Variants in LRRTM4 observed in about 807,000 individuals in gnomAD.
LRRTM4 encodes the protein leucine-rich repeat transmembrane neuronal protein 4.
Under a neutral mutation model 47.6 loss-of-function variants are expected in LRRTM4, and 25 were observed. The observed-to-expected ratio is 0.53, with a 90% CI of 0.38 to 0.73. LRRTM4 has a LOEUF of 0.73. Among genes scored for constraint, LRRTM4 ranks in the 30% least tolerant of loss-of-function variants. The pLI, the probability that LRRTM4 is intolerant of heterozygous loss-of-function variation, is 0.00. For missense variants in LRRTM4, 638 were observed against 713.4 expected (o/e 0.89, Z 1.20); for synonymous variants, 311 against 269.5 (o/e 1.15, Z -1.51).
chr2:77,105,163 T>C (rs1469793967), intron 3 of LRRTM4, among the ~76,000 whole-genome samples: 1 of 152,126 alleles, frequency 6.6e-6, no homozygotes, highest in Non-Finnish European at 1.5e-5. Context: ...ATTTGGATGC[T>C]GAGTATAACA....
At position 76,906,663 on chromosome 2, in the gene LRRTM4, C is replaced by A. The variant is rs368395681; in HGVS notation, c.1552-157747G>T. On this transcript the variant is annotated intron_variant, in intron 3 of 3. Transcript: ENST00000409884. ...AAGGATGGAGGAAGATCTACCAAGC[C>A]AATGGAAAACAAAAAAAGGCAGGGG... Among the ~76,000 whole-genome samples the A allele has an allele frequency of 1.2e-3, 180 of 151,670 alleles. 2 individuals are homozygous for A. The East Asian group carries it at 0.023, about 19-fold the overall frequency.
chr2:77,060,015 A>C (rs1394344118), intron 3 of LRRTM4, among the ~76,000 whole-genome samples: 1 of 152,208 alleles, frequency 6.6e-6, no homozygotes, highest in Non-Finnish European at 1.5e-5. Flanking sequence ...AGCAGGAGTT[A>C]GCAGACTATG....
chr2:77,288,859 C>G (rs1047275265), intron 3 of LRRTM4, among the ~76,000 whole-genome samples: 1 of 151,986 alleles, frequency 6.6e-6, no homozygotes, highest in African/African-American at 2.4e-5. Context: ...TCAGCAGAAG[C>G]CAATTGGGAT....
intron 3 of LRRTM4, among the ~76,000 whole-genome samples, chr2:77,011,529 ATTTGTG>A (rs1327460701): frequency 8.9e-6 from 1 of 112,182 alleles, no homozygotes; most frequent in Non-Finnish European, 1.9e-5. Context: ...AGGAAGAAGC[ATTTGTG>A]TGTGTGTGTG....
At chr2:76,925,519 G>A (rs568630794) in intron 3 of LRRTM4, among the ~76,000 whole-genome samples, 2 of 152,126 alleles carry the variant, frequency 1.3e-5, no homozygotes, top group Non-Finnish European at 2.9e-5. Context: ...TTAAGCTTAT[G>A]GTTGTTTGTT....
Position 76,850,173 on chromosome 2 carries a change from GGTTT to G in LRRTM4, c.1552-101261_1552-101258del, listed in dbSNP as rs1355154815. Among the ~76,000 whole-genome samples, 8 of 152,050 alleles carry G rather than the reference GGTTT, an allele frequency of 5.3e-5. No individual in the cohort carries two copies. The East Asian group carries it at 5.8e-4, about 11-fold the overall frequency. ...ATTACTTTCTCCAAACTAGATTTTT[GGTTT>G]GTTTTTTTCTGCTGTCCATACGGTT... On this transcript the variant is annotated intron_variant, in intron 3 of 3. Coordinates refer to ENST00000409884, the MANE Select transcript of LRRTM4 (RefSeq NM_001134745.3).
At chr2:76,957,959 A>T (rs1036816786) in intron 3 of LRRTM4, among the ~76,000 whole-genome samples, 1 of 151,434 alleles carries the variant, frequency 6.6e-6, no homozygotes, top group Non-Finnish European at 1.5e-5. Flanking sequence ...TTTATATATA[A>T]TTTTAATCAA....
intron 3 of LRRTM4, among the ~76,000 whole-genome samples, chr2:77,124,120 A>G (rs1671591363): frequency 6.6e-6 from 1 of 152,134 alleles, no homozygotes. Flanking sequence ...AAATAAAGCC[A>G]TAGAGATTAG....
At chr2:77,510,041 A>C (rs973893978) in intron 3 of LRRTM4, among the ~76,000 whole-genome samples, 3 of 152,170 alleles carry the variant, frequency 2.0e-5, no homozygotes, top group African/African-American at 7.2e-5. Flanking sequence ...ATACTAAAAA[A>C]GACTCAAACC....
intron 3 of LRRTM4, among the ~76,000 whole-genome samples, chr2:77,484,134 A>C (rs1677822997): frequency 6.6e-6 from 1 of 152,192 alleles, no homozygotes; most frequent in African/African-American, 2.4e-5. Context: ...CACACACAAT[A>C]CTGGTCAATA....
chr2:76,786,755 G>GA (rs75795818), intron 3 of LRRTM4, among the ~76,000 whole-genome samples: 217 of 146,712 alleles, frequency 1.5e-3, no homozygotes, highest in South Asian at 7.1e-3. Context: ...GAAGATTGCA[G>GA]AAAAAAAAAA....
At chr2:76,949,262 A>C (rs1675424025) in intron 3 of LRRTM4, among the ~76,000 whole-genome samples, 1 of 151,912 alleles carries the variant, frequency 6.6e-6, no homozygotes. Flanking sequence ...AAATAAATGA[A>C]TAGTTATCAA....
intron 3 of LRRTM4, among the ~76,000 whole-genome samples, chr2:76,783,711 C>A (rs983600938): frequency 1.1e-4 from 17 of 152,132 alleles, no homozygotes; most frequent in Non-Finnish European, 2.1e-4. Flanking sequence ...TTTCACAATA[C>A]CATTTGGCAT....
intron 3 of LRRTM4, among the ~76,000 whole-genome samples, chr2:77,263,074 G>T (rs1054686010): frequency 6.6e-6 from 1 of 152,050 alleles, no homozygotes; most frequent in Admixed American, 6.6e-5. Context: ...GCTGAAGGTT[G>T]AGTTAATCAC....
intron 3 of LRRTM4, among the ~76,000 whole-genome samples, chr2:77,399,269 A>G (rs1673841067): frequency 6.6e-6 from 1 of 151,536 alleles, no homozygotes; most frequent in Non-Finnish European, 1.5e-5. Context: ...TGAAATATGT[A>G]TACACTTTAG....
chr2:76,835,011 C>A (rs2103909352), intron 3 of LRRTM4, among the ~76,000 whole-genome samples: 2 of 152,192 alleles, frequency 1.3e-5, no homozygotes, highest in Middle Eastern at 6.8e-3. Context: ...GAGAGATCAT[C>A]CCCATGGTAA....
chr2:77,140,887 G>A (rs1467397255), intron 3 of LRRTM4, among the ~76,000 whole-genome samples: 5 of 152,146 alleles, frequency 3.3e-5, no homozygotes, highest in African/African-American at 1.2e-4. Flanking sequence ...ATCATCACTG[G>A]CCATCAGAGA....
intron 3 of LRRTM4, among the ~76,000 whole-genome samples, chr2:77,497,448 T>C (rs954589682): frequency 2.0e-5 from 3 of 151,418 alleles, no homozygotes; most frequent in Admixed American, 1.3e-4. Flanking sequence ...ACAAATTTCC[T>C]TTAAGTTCTG....
chr2:77,443,605 T>G (rs895643759), intron 3 of LRRTM4, among the ~76,000 whole-genome samples: 1 of 152,114 alleles, frequency 6.6e-6, no homozygotes, highest in Non-Finnish European at 1.5e-5. Flanking sequence ...ATTACTAGTA[T>G]CACCTGCTAA....
Sources: allele counts gnomAD v4.1 joint callset (sites outside exome capture counted in the v4.1 genomes callset), GRCh38; gene constraint gnomAD v4.1.1; transcripts MANE v1.5; gene names NCBI Gene and HGNC (gene_info 2026-07-23, HGNC 2026-07-21).